Variants in RBM20 observed in about 807,000 individuals in gnomAD.
The protein encoded by RBM20 is RNA binding motif protein 20, also known as RNA-binding protein 20.
In RBM20, 51 loss-of-function variants were observed where a neutral mutation model predicts 110.1. The ratio of observed to expected loss-of-function variants is 0.46; its 90% CI spans 0.37 to 0.59. The LOEUF (loss-of-function observed/expected upper bound fraction) is 0.59. Among genes scored for constraint, RBM20 ranks in the 20% least tolerant of loss-of-function variants. The pLI is 0.00. For missense variants in RBM20, 1,512 were observed against 1,574.9 expected (o/e 0.96, Z 0.68); for synonymous variants, 589 against 618.2 (o/e 0.95, Z 0.70).
At chr10:110,795,332 G>A (rs942335804) in intron 5 of RBM20, among the ~76,000 whole-genome samples, 2 of 152,242 alleles carry the variant, frequency 1.3e-5, no homozygotes, top group Admixed American at 1.3e-4. Flanking sequence ...CTGATGGAGA[G>A]TCCATTTGCA....
At chr10:110,663,691 G>A (rs1325897076) in intron 1 of RBM20, among the ~76,000 whole-genome samples, 2 of 152,154 alleles carry the variant, frequency 1.3e-5, no homozygotes, top group African/African-American at 2.4e-5. Context: ...CAAGACTAAA[G>A]TGAAACAAAC....
chr10:110,680,390 A>G (rs1862405929), intron 1 of RBM20, among the ~76,000 whole-genome samples: 1 of 152,204 alleles, frequency 6.6e-6, no homozygotes, highest in Non-Finnish European at 1.5e-5. Flanking sequence ...TCCTGATGGC[A>G]CTGGCCACTG....
intron 1 of RBM20, among the ~76,000 whole-genome samples, chr10:110,691,055 G>A (rs910563348): frequency 6.6e-6 from 1 of 152,198 alleles, no homozygotes; most frequent in African/African-American, 2.4e-5. Flanking sequence ...GGGAGGCTGT[G>A]GAGCCCTCTT....
At chr10:110,832,181 T>C (rs1845064856) in intron 13 of RBM20, among the ~76,000 whole-genome samples, 1 of 152,204 alleles carries the variant, frequency 6.6e-6, no homozygotes, top group Non-Finnish European at 1.5e-5. Context: ...TAGGTTTTGA[T>C]AGCTTAACAG....
rs1363709246 is a variant in RBM20 at position 110,802,265 on chromosome 10, A to G, written c.1800+2347A>G. ...TCTGGCTAGGACTGGCATTCTGACA[A>G]GTCTCCATATGTAGATGGGCACTGT... On this transcript the variant is annotated intron_variant, in intron 7 of 13. Coordinates refer to ENST00000369519, the MANE Select transcript of RBM20 (RefSeq NM_001134363.3). Among the ~76,000 whole-genome samples, 3 of 152,156 alleles carry G rather than the reference A, an allele frequency of 2.0e-5. No homozygotes were observed. The East Asian group carries it at 5.8e-4, about 29-fold the overall frequency.
At chr10:110,679,285 G>A (rs1862385351) in intron 1 of RBM20, among the ~76,000 whole-genome samples, 1 of 152,112 alleles carries the variant, frequency 6.6e-6, no homozygotes, top group Non-Finnish European at 1.5e-5. Flanking sequence ...ATGCAGTGGT[G>A]TGATCATAGC....
chr10:110,661,414 G>A (rs1168684513), intron 1 of RBM20, among the ~76,000 whole-genome samples: 1 of 152,212 alleles, frequency 6.6e-6, no homozygotes, highest in Non-Finnish European at 1.5e-5. Context: ...GATCTTGATG[G>A]TGGAGGGAGA....
At chr10:110,758,206 A>T (rs754063159) in intron 1 of RBM20, among the ~76,000 whole-genome samples, 9 of 151,250 alleles carry the variant, frequency 6.0e-5, no homozygotes, top group Non-Finnish European at 8.8e-5. Context: ...TTTTGTAGAG[A>T]TGGGTTATAC....
chr10:110,676,486 T>TTC (rs1482702743), intron 1 of RBM20, among the ~76,000 whole-genome samples: 1 of 152,258 alleles, frequency 6.6e-6, no homozygotes, highest in Non-Finnish European at 1.5e-5. Context: ...GAAATGCTAA[T>TTC]TCTAACTATC....
chr10:110,704,302 A>G (rs1007558194), intron 1 of RBM20, among the ~76,000 whole-genome samples: 2 of 152,160 alleles, frequency 1.3e-5, no homozygotes, highest in African/African-American at 4.8e-5. Context: ...CTATTGAAGG[A>G]TATCTGGCAT....
intron 1 of RBM20, among the ~76,000 whole-genome samples, chr10:110,691,244 A>T (rs112860361): frequency 0.034 from 5,254 of 152,320 alleles, 131 homozygotes; most frequent in South Asian, 0.067. Flanking sequence ...CAGAACTGTA[A>T]GAAGTAAATG....
At chr10:110,754,109 C>T (rs1843892967) in intron 1 of RBM20, among the ~76,000 whole-genome samples, 1 of 152,204 alleles carries the variant, frequency 6.6e-6, no homozygotes, top group Admixed American at 6.5e-5. Flanking sequence ...GGGGGTCATT[C>T]ATCTTTCCTC....
At chr10:110,732,389 C>A (rs1843628544) in intron 1 of RBM20, among the ~76,000 whole-genome samples, 1 of 152,200 alleles carries the variant, frequency 6.6e-6, no homozygotes, top group African/African-American at 2.4e-5. Flanking sequence ...AGCTTCCTCT[C>A]AGATTCCTTT....
At chr10:110,747,114 G>A (rs561131365) in intron 1 of RBM20, among the ~76,000 whole-genome samples, 27 of 152,194 alleles carry the variant, frequency 1.8e-4, no homozygotes, top group African/African-American at 6.3e-4. Flanking sequence ...GGGAAGATAG[G>A]AGATAAGGAC....
chr10:110,742,188 A>G (rs1343855638), intron 1 of RBM20, among the ~76,000 whole-genome samples: 1 of 151,986 alleles, frequency 6.6e-6, no homozygotes, highest in Non-Finnish European at 1.5e-5. Flanking sequence ...TGCCAGAGGA[A>G]TCTGCTCTCT....
intron 1 of RBM20, among the ~76,000 whole-genome samples, chr10:110,695,309 A>C (rs535169321): frequency 1.5e-4 from 23 of 152,372 alleles, no homozygotes; most frequent in South Asian, 1.0e-3. Context: ...ATCTAACTGC[A>C]TGCTGCCCAG....
chr10:110,772,336 A>T (rs765008354), intron 1 of RBM20, among the ~76,000 whole-genome samples: 1 of 152,266 alleles, frequency 6.6e-6, no homozygotes, highest in East Asian at 1.9e-4. Flanking sequence ...GAACAAGGTT[A>T]GAGAGAATGA....
chr10:110,831,124 G>C lies in RBM20; in HGVS notation c.3515G>C (p.Ser1172Thr), dbSNP rs1165657860. 1 of 1,551,502 alleles carries C rather than the reference G, an allele frequency of 6.4e-7. No homozygotes were observed. The highest frequency in any genetic ancestry group is 8.7e-7 in the Non-Finnish European group (1 of 1,146,936). The change falls in exon 13 of 14, where the codon AGC (serine) becomes ACC (threonine). Residue 1172 changes from serine (S) to threonine (T), a missense_variant. By Grantham distance (58) the Ser-to-Thr change is moderately conservative. Around this residue, in one of 3 missense-constraint regions of RBM20, gnomAD observed 358 missense variants for 384.2 expected, o/e 0.93. Transcript: ENST00000369519. ...AAGCTGTGTGGGCTGTTCTACACGA[G>C]CGAGGAGACAGCAAAGATGAGCCAC... ...YCKLCGLFYT[S>T]EETAKMSHCR...
Position 110,698,035 on chromosome 10 carries a change from G to C in RBM20, c.191+53390G>C, listed in dbSNP as rs578040606. On this transcript the variant is annotated intron_variant, in intron 1 of 13. Transcript: ENST00000369519. ...CCATTCTCCTGCCTCAGCCTCCCGA[G>C]TAGCTGGGACTACAGGCGCCCACCA... 2.6e-5 allele frequency among the ~76,000 whole-genome samples: 4 copies of C among 151,968 alleles called. No homozygotes were observed. In the South Asian group the frequency reaches 8.3e-4, roughly 32 times the overall value.
Sources: allele counts gnomAD v4.1 joint callset (sites outside exome capture counted in the v4.1 genomes callset), GRCh38; gene constraint gnomAD v4.1.1; regional missense constraint gnomAD v4.1.1; transcripts MANE v1.5; gene names NCBI Gene and HGNC (gene_info 2026-07-23, HGNC 2026-07-21).